The following CREG2 variants were observed in gnomAD, a reference collection of about 807,000 sequenced individuals.
CREG2 encodes protein CREG2.
A neutral mutation model predicts 26.2 loss-of-function variants in CREG2; 24 were observed. That is an observed-to-expected ratio of 0.92 (90% CI 0.66 to 1.29). CREG2 has a LOEUF of 1.29. Ranked by LOEUF, CREG2 falls within the 50% of genes most tolerant of loss-of-function variation. The pLI is 0.00. For missense variants in CREG2, 366 were observed against 398.6 expected (o/e 0.92, Z 0.70); for synonymous variants, 174 against 169.2 (o/e 1.03, Z -0.22).
At position 101,387,192 on chromosome 2, in the gene CREG2, G is replaced by T. The variant is rs1292837638; in HGVS notation, c.266C>A (p.Ala89Glu). ...HKEDAHLRPR[A>E]GAARARPPPA... ...GGGCGGCCTGGCCCGGGCGGCGCCCGCCCGGGGCCGCAGGTGCGCGTCCTC... is the reference window on the plus strand; with the variant it reads ...GGGCGGCCTGGCCCGGGCGGCGCCCTCCCGGGGCCGCAGGTGCGCGTCCTC... Residue 89 changes from alanine to glutamate, a missense_variant, in exon 1 of 4, where the codon GCG (alanine) becomes GAG (glutamate). Coordinates refer to ENST00000324768, the MANE Select transcript of CREG2 (RefSeq NM_153836.4). This position sits in a 1 kb window ranked among gnomAD's most constrained non-coding sequence, Gnocchi z 4.7. 2 of 1,354,460 alleles carry T rather than the reference G, an allele frequency of 1.5e-6. No homozygotes were observed. Among genetic ancestry groups the T allele is most frequent in the Non-Finnish European group, 1.9e-6 (2 of 1,040,688 alleles). The allele number at this position is 1,354,460 out of a possible 1,614,324, so 83.9% of individuals were successfully genotyped here. A position where few individuals can be genotyped will look rare whatever the true frequency, so the allele number is the denominator to read the frequency against.
chr2:101,372,203 C>T (rs1003555841), intron 2 of CREG2, among the ~76,000 whole-genome samples: 5 of 152,148 alleles, frequency 3.3e-5, no homozygotes, highest in African/African-American at 1.2e-4. Context: ...CGTGTTACAC[C>T]TTGTTGTCTT....
At chr2:101,366,598 G>A (rs149560547) in intron 2 of CREG2, among the ~76,000 whole-genome samples, 1,869 of 152,184 alleles carry the variant, frequency 0.012, 28 homozygotes, top group African/African-American at 0.043. Flanking sequence ...TGAGGCAGAC[G>A]GATCACCTGA....
chr2:101,367,864 C>T (rs1274161114), intron 2 of CREG2, among the ~76,000 whole-genome samples: 1 of 152,198 alleles, frequency 6.6e-6, no homozygotes, highest in African/African-American at 2.4e-5. Context: ...GGAATGCACG[C>T]GGCCTCTAGG....
Position 101,350,594 on chromosome 2 carries a change from TTTC to T in CREG2, c.*326_*328del. ...CATTGTAGGTACAGGCATTTTTTTT[TTTC>T]CTTAAACAATGAAACAACAATGATC... is the stretch of plus-strand genomic sequence containing the variant. On this transcript the variant is annotated 3_prime_UTR_variant, in exon 4 of 4. Transcript: ENST00000324768. 3 of 132,980 alleles carry T rather than the reference TTTC, an allele frequency of 2.3e-5. No homozygotes were observed. Among genetic ancestry groups the T allele is most frequent in the East Asian group, 1.8e-4 (1 of 5,412 alleles). 8.2% of individuals were successfully genotyped at this position (132,980 alleles called of 1,614,324 possible). A position where few individuals can be genotyped will look rare whatever the true frequency, so the allele number is the denominator to read the frequency against.
At chr2:101,370,789 T>C (rs566575579) in intron 2 of CREG2, among the ~76,000 whole-genome samples, 6 of 152,276 alleles carry the variant, frequency 3.9e-5, no homozygotes, top group Non-Finnish European at 8.8e-5. Flanking sequence ...AGGGTCAGGC[T>C]GGCCTCAGAC....
In CREG2 at chr2:101,369,203, T is replaced by C. The variant is rs563483554; in HGVS notation, c.612-13837A>G. ...AATGGGTTGATCCAGGGAGACCTAG[T>C]TGGGAGAATTTAGAATACAGTGAGT... is the stretch of plus-strand genomic sequence containing the variant. On this transcript the variant is annotated intron_variant, in intron 2 of 3. Coordinates refer to ENST00000324768, the MANE Select transcript of CREG2 (RefSeq NM_153836.4). 4.6e-5 allele frequency among the ~76,000 whole-genome samples: 7 copies of C among 152,202 alleles called. No homozygotes were observed. The South Asian group carries it at 1.2e-3, about 27-fold the overall frequency.
intron 2 of CREG2, among the ~76,000 whole-genome samples, chr2:101,356,197 C>T (rs1439074065): frequency 1.3e-5 from 2 of 152,306 alleles, no homozygotes; most frequent in African/African-American, 4.8e-5. Flanking sequence ...GTTGCTTCTT[C>T]GCCTCTCGAA....
At chr2:101,370,969 G>A (rs974253294) in intron 2 of CREG2, among the ~76,000 whole-genome samples, 2 of 152,164 alleles carry the variant, frequency 1.3e-5, no homozygotes, top group East Asian at 3.9e-4. Context: ...CCTCTGATTG[G>A]AGGCCACTCT....
Position 101,387,390 on chromosome 2 carries a change from C to T in CREG2, c.68G>A (p.Ser23Asn). 7.1e-7 allele frequency: 1 copy of T among 1,410,134 alleles called. No homozygotes were observed. Among genetic ancestry groups the T allele is most frequent in the Non-Finnish European group, 9.4e-7 (1 of 1,069,252 alleles). The allele number at this position is 1,410,134 out of a possible 1,614,324, so 87.4% of individuals were successfully genotyped here. A position where few individuals can be genotyped will look rare whatever the true frequency, so the allele number is the denominator to read the frequency against. Reference protein sequence around the residue: ...GTRLSWLLCCSALLSPAAGYV... With the variant: ...GTRLSWLLCCNALLSPAAGYV... ...GCCCGCGGCCGGGGACAGCAGGGCG[C>T]TGCAGCACAGCAGCCAGGAGAGGCG... The change falls in exon 1 of 4, where the codon AGC (serine) becomes AAC (asparagine). Residue 23 changes from serine to asparagine, a missense_variant. Around this residue, in one of 3 missense-constraint regions of CREG2, gnomAD observed 177 missense variants for 183.3 expected, o/e 0.97. Coordinates refer to ENST00000324768, the MANE Select transcript of CREG2 (RefSeq NM_153836.4). This position sits in a 1 kb window ranked among gnomAD's most constrained non-coding sequence, Gnocchi z 4.7.
At chr2:101,357,549 T>C (rs1320989188) in intron 2 of CREG2, among the ~76,000 whole-genome samples, 1 of 152,146 alleles carries the variant, frequency 6.6e-6, no homozygotes, top group African/African-American at 2.4e-5. Context: ...GGCAGCACAA[T>C]GATAATATTA....
intron 2 of CREG2, chr2:101,382,851 C>A: frequency 1.0e-6 from 1 of 985,480 alleles, no homozygotes; most frequent in African/African-American, 1.7e-5. Flanking sequence ...CCATCCTGGG[C>A]ATTTGCTGCT....
In CREG2 at chr2:101,347,624, T is replaced by A. The variant is rs1684325382; in HGVS notation, c.*3299A>T. 1 of 152,214 alleles carries A rather than the reference T, an allele frequency of 6.6e-6. No homozygotes were observed. Among genetic ancestry groups the A allele is most frequent in the Non-Finnish European group, 1.5e-5 (1 of 68,034 alleles). The allele number at this position is 152,214 out of a possible 1,614,324, so 9.4% of individuals were successfully genotyped here. A position where few individuals can be genotyped will look rare whatever the true frequency, so the allele number is the denominator to read the frequency against. On this transcript the variant is annotated 3_prime_UTR_variant, in exon 4 of 4. Coordinates refer to ENST00000324768, the MANE Select transcript of CREG2 (RefSeq NM_153836.4). Reference sequence around the variant, plus strand: ...CATGCGCTTATTTGCCATTTTTATATCCTCTGCAGTGAAATGTCTGTTCAT... The same window carrying A: ...CATGCGCTTATTTGCCATTTTTATAACCTCTGCAGTGAAATGTCTGTTCAT...
chr2:101,349,890 C>T lies in CREG2; in HGVS notation c.*1033G>A, dbSNP rs1387278486. ...TTAAAACTGGATGTCTTGTAGGAACCACTCCACCTGTGTCTGCAGTGAGCT... is the reference window on the plus strand; with the variant it reads ...TTAAAACTGGATGTCTTGTAGGAACTACTCCACCTGTGTCTGCAGTGAGCT... On this transcript the variant is annotated 3_prime_UTR_variant, in exon 4 of 4. Coordinates refer to ENST00000324768, the MANE Select transcript of CREG2 (RefSeq NM_153836.4). The T allele has an allele frequency of 3.3e-5, 5 of 152,146 alleles. No individual in the cohort carries two copies. Among genetic ancestry groups the T allele is most frequent in the Non-Finnish European group, 7.3e-5 (5 of 68,032 alleles). 9.4% of individuals were successfully genotyped at this position (152,146 alleles called of 1,614,324 possible).
intron 2 of CREG2, 67 bp from the exon 3 acceptor site, chr2:101,355,433 T>G: frequency 1.0e-6 from 1 of 958,892 alleles, no homozygotes; most frequent in Non-Finnish European, 1.7e-6. Context: ...ATTCTAACGA[T>G]TTTATAAACT....
At chr2:101,382,569 C>A in intron 2 of CREG2, 1 of 985,340 alleles carries the variant, frequency 1.0e-6, no homozygotes, top group Non-Finnish European at 1.2e-6. Flanking sequence ...CTTGCTGTAA[C>A]CTGGTGGGGA....
At chr2:101,377,025 G>GC (rs960357727) in intron 2 of CREG2, among the ~76,000 whole-genome samples, 7 of 152,094 alleles carry the variant, frequency 4.6e-5, no homozygotes, top group African/African-American at 7.2e-5. Flanking sequence ...TAAAGATTAG[G>GC]CCCCCCCTTG....
chr2:101,382,418 C>T (rs1466084976), intron 2 of CREG2: 39 of 856,928 alleles, frequency 4.6e-5, no homozygotes, highest in Non-Finnish European at 4.9e-5. Context: ...AAGAGCGAAA[C>T]TCTATCTCGA....
chr2:101,362,862 C>A (rs1243873324), intron 2 of CREG2, among the ~76,000 whole-genome samples: 3 of 152,158 alleles, frequency 2.0e-5, no homozygotes, highest in African/African-American at 7.2e-5. Context: ...CTGATCCAGG[C>A]TCTCAAAGTG....
intron 2 of CREG2, among the ~76,000 whole-genome samples, chr2:101,363,853 C>A (rs757408234): frequency 1.2e-5 from 1 of 84,050 alleles, no homozygotes. Flanking sequence ...CTGTCTCAAA[C>A]ACACACACAC....
Sources: allele counts gnomAD v4.1 joint callset (sites outside exome capture counted in the v4.1 genomes callset), GRCh38; gene constraint gnomAD v4.1.1; regional missense constraint gnomAD v4.1.1; non-coding constraint Gnocchi (gnomAD v3.1); transcripts MANE v1.5; gene names NCBI Gene and HGNC (gene_info 2026-07-23, HGNC 2026-07-21).